KIF2A: variants seen among roughly 807,000 people sequenced by gnomAD.
The protein encoded by KIF2A is kinesin family member 2A.
A neutral mutation model predicts 100.2 loss-of-function variants in KIF2A; 22 were observed. The observed-to-expected ratio is 0.22, with a 90% CI of 0.16 to 0.31. KIF2A has a LOEUF of 0.31. Among genes scored for constraint, KIF2A ranks in the 10% least tolerant of loss-of-function variants. The probability of loss-of-function intolerance (pLI) is 1.00; values close to 1 mark genes in which losing one functional copy is unlikely to be tolerated. For synonymous variants in KIF2A, 268 were observed against 285.9 expected (o/e 0.94, Z 0.63); for missense variants, 495 against 898.7 (o/e 0.55, Z 5.74).
intron 9 of KIF2A, 124 bp from the exon 10 acceptor site, chr5:62,361,116 CAA>C (rs1166047219): frequency 4.2e-5 from 21 of 504,200 alleles, no homozygotes; most frequent in Non-Finnish European, 5.9e-5. Context: ...AAATTTTTAA[CAA>C]AGATTTGTTT....
chr5:62,364,897 C>A (rs1318772285), intron 14 of KIF2A, among the ~76,000 whole-genome samples: 2 of 152,092 alleles, frequency 1.3e-5, no homozygotes, highest in African/African-American at 2.4e-5. Context: ...GAGTTCGATA[C>A]CAGCCTGGTC....
chr5:62,366,741 G>C (rs887171832), intron 16 of KIF2A, among the ~76,000 whole-genome samples: 2 of 151,442 alleles, frequency 1.3e-5, no homozygotes, highest in African/African-American at 4.9e-5. Flanking sequence ...TGAGGCAGGA[G>C]AATGGCCTGA....
intron 16 of KIF2A, among the ~76,000 whole-genome samples, chr5:62,370,152 T>C (rs906201249): frequency 1.3e-5 from 2 of 152,212 alleles, no homozygotes; most frequent in African/African-American, 4.8e-5. Flanking sequence ...GAAAGCAATG[T>C]TTTTTCATAT....
intron 20 of KIF2A, among the ~76,000 whole-genome samples, chr5:62,383,180 A>G (rs923601105): frequency 4.8e-5 from 7 of 145,636 alleles, no homozygotes; most frequent in Non-Finnish European, 1.0e-4. Context: ...ACCCACCTCA[A>G]CCTCTCAAAG....
rs775533413 is a variant in KIF2A at position 62,389,485 on chromosome 5, CA to C, written c.*3932del. On this transcript the variant is annotated 3_prime_UTR_variant, in exon 21 of 21. Coordinates refer to ENST00000407818, the MANE Select transcript of KIF2A (RefSeq NM_001098511.3). ...TGGGTGACAGAGCAAGACTCTGTCTCAAAAAAAAAAAAAAAAGAAATGTTAT... is the reference window on the plus strand; with the variant it reads ...TGGGTGACAGAGCAAGACTCTGTCTCAAAAAAAAAAAAAAAGAAATGTTAT... Among the ~76,000 whole-genome samples, 210 of 75,880 alleles carry C rather than the reference CA, an allele frequency of 2.8e-3. 2 individuals carry two copies. The highest frequency in any genetic ancestry group is 2.9e-3 in the Admixed American group (19 of 6,480). 49.8% of individuals were successfully genotyped at this position (75,880 alleles called of 152,430 possible).
chr5:62,352,846 A>G, intron 5 of KIF2A, 136 bp downstream of exon 5: 4 of 659,304 alleles, frequency 6.1e-6, no homozygotes, highest in Non-Finnish European at 9.3e-6. Context: ...CACTGTGGAA[A>G]ATTTAACTTC....
intron 9 of KIF2A, among the ~76,000 whole-genome samples, chr5:62,359,904 T>C (rs1748304947): frequency 6.6e-6 from 1 of 152,190 alleles, no homozygotes; most frequent in Non-Finnish European, 1.5e-5. Flanking sequence ...TTTTGTTCTG[T>C]ACTTTCTTCA....
At chr5:62,315,417 G>C (rs1439386515) in intron 1 of KIF2A, among the ~76,000 whole-genome samples, 2 of 152,306 alleles carry the variant, frequency 1.3e-5, no homozygotes, top group African/African-American at 4.8e-5. Context: ...GTATAGCCAG[G>C]GTTGTGATCC....
chr5:62,334,826 T>G (rs1158663096), intron 1 of KIF2A, among the ~76,000 whole-genome samples: 2 of 152,032 alleles, frequency 1.3e-5, no homozygotes, highest in East Asian at 3.9e-4. Flanking sequence ...AGAGCTGCCC[T>G]CTCAGGCCTG....
At position 62,346,092 on chromosome 5, in the gene KIF2A, A is replaced by C. The variant is rs145526709; in HGVS notation, c.65-1038A>C. Among the ~76,000 whole-genome samples the C allele has an allele frequency of 2.6e-5, 4 of 152,092 alleles. No individual in the cohort carries two copies. In the South Asian group the frequency reaches 6.2e-4, roughly 24 times the overall value. ...GCACATAACCTAAGTGACCATCAAT[A>C]GGTATTAAATAATTTATGATAAACA... On this transcript the variant is annotated intron_variant, in intron 1 of 20. Transcript: ENST00000407818.
At chr5:62,358,369 A>G in intron 9 of KIF2A, 70 bp downstream of exon 9, 1 of 995,078 alleles carries the variant, frequency 1.0e-6, no homozygotes, top group South Asian at 1.9e-5. Context: ...TGAAATTTAC[A>G]TTGATTGTGG....
At chr5:62,307,671 G>A (rs1745378009) in intron 1 of KIF2A, among the ~76,000 whole-genome samples, 2 of 150,014 alleles carry the variant, frequency 1.3e-5, no homozygotes, top group South Asian at 4.2e-4. Flanking sequence ...AGGCTGGAGT[G>A]CAGTGGTGCG....
chr5:62,373,666 A>C (rs376102310), intron 17 of KIF2A, 21 bp from the exon 18 acceptor site: 3 of 1,599,900 alleles, frequency 1.9e-6, no homozygotes, highest in Non-Finnish European at 2.6e-6. Context: ...TTAACTTTAG[A>C]TACCTCTTAT....
chr5:62,349,487 T>C (rs1747737072), intron 3 of KIF2A, among the ~76,000 whole-genome samples: 1 of 152,114 alleles, frequency 6.6e-6, no homozygotes. Flanking sequence ...TTATTTGATA[T>C]CTTTTTTTGA....
intron 13 of KIF2A, 41 bp from the exon 14 acceptor site, chr5:62,363,654 G>T (rs116231822): frequency 6.6e-7 from 1 of 1,526,292 alleles, no homozygotes; most frequent in Admixed American, 1.8e-5. Context: ...CATGTAAATT[G>T]AAGTTTTTAA....
chr5:62,318,477 G>T (rs1386006998), intron 1 of KIF2A, among the ~76,000 whole-genome samples: 1 of 152,162 alleles, frequency 6.6e-6, no homozygotes, highest in Non-Finnish European at 1.5e-5. Context: ...ACTGAGAGTT[G>T]CCTATAACTT....
intron 1 of KIF2A, among the ~76,000 whole-genome samples, chr5:62,340,519 C>A (rs376220007): frequency 4.6e-5 from 7 of 152,084 alleles, no homozygotes; most frequent in African/African-American, 1.7e-4. Context: ...TATTTCTAGT[C>A]CTGATTAGTC....
chr5:62,318,229 T>C (rs1745923878), intron 1 of KIF2A, among the ~76,000 whole-genome samples: 1 of 152,094 alleles, frequency 6.6e-6, no homozygotes, highest in Non-Finnish European at 1.5e-5. Flanking sequence ...ATTACAGGCA[T>C]GTGCCACCAC....
chr5:62,337,888 C>A (rs567949892), intron 1 of KIF2A, among the ~76,000 whole-genome samples: 1 of 151,588 alleles, frequency 6.6e-6, no homozygotes, highest in African/African-American at 2.4e-5. Context: ...ATATAAAAAT[C>A]CAGAACAAAA....
Sources: gnomAD v4.1 joint callset for allele counts (sites outside exome capture counted in the v4.1 genomes callset) on GRCh38, gnomAD v4.1.1 for gene constraint, MANE v1.5 for transcripts, NCBI Gene and HGNC (gene_info 2026-07-23, HGNC 2026-07-21) for gene names.